The following MIDEAS variants were observed in gnomAD, a reference collection of about 807,000 sequenced individuals.
MIDEAS encodes the protein mitotic deacetylase-associated SANT domain protein.
A neutral mutation model predicts 102.7 loss-of-function variants in MIDEAS; 26 were observed. The ratio of observed to expected loss-of-function variants is 0.25; its 90% CI spans 0.19 to 0.35. The LOEUF is 0.35. Ranked by LOEUF, MIDEAS falls within the 10% of genes least tolerant of loss-of-function variation. The pLI, the probability that MIDEAS is intolerant of heterozygous loss-of-function variation, is 1.00. For synonymous variants in MIDEAS, 585 were observed against 591.0 expected (o/e 0.99, Z 0.15); for missense variants, 1,231 against 1,435.6 (o/e 0.86, Z 2.30).
intron 5 of MIDEAS, 170 bp downstream of exon 5, chr14:73,727,288 G>C (rs1308706419): frequency 2.9e-5 from 21 of 713,766 alleles, no homozygotes; most frequent in Non-Finnish European, 4.6e-5. Context: ...CTTCCACACA[G>C]AGGCAGGGCG....
chr14:73,746,866 GCCA>G (rs2053359044), intron 1 of MIDEAS, among the ~76,000 whole-genome samples: 1 of 152,206 alleles, frequency 6.6e-6, no homozygotes, highest in Non-Finnish European at 1.5e-5. Flanking sequence ...CTTGCTGCAA[GCCA>G]GGCTCTGGGA....
At chr14:73,775,507 G>A (rs568399453) in intron 1 of MIDEAS, among the ~76,000 whole-genome samples, 1 of 152,100 alleles carries the variant, frequency 6.6e-6, no homozygotes, top group African/African-American at 2.4e-5. Context: ...TCCCTCCCTC[G>A]GGGAGCCAAC....
chr14:73,726,847 C>G lies in MIDEAS; in HGVS notation c.2288G>C (p.Arg763Pro), dbSNP rs74937439. Residue 763 changes from arginine to proline, a missense_variant, in exon 6 of 13, where the codon CGG (arginine) becomes CCG (proline). Coordinates refer to ENST00000423556, the MANE Select transcript of MIDEAS (RefSeq NM_001367710.1). ...CTCCTCACCTTGCCTCTGCTTCTCC[C>G]GGCTGCTCTCTAGGTCCTCCCATGG... ...WQPWEDLESS[R>P]EKQRQVEDLL... The G allele has an allele frequency of 2.5e-6, 4 of 1,610,734 alleles. No individual in the cohort carries two copies. Among genetic ancestry groups the G allele is most frequent in the Admixed American group, 1.7e-5 (1 of 59,882 alleles).
intron 3 of MIDEAS, chr14:73,730,210 G>A (rs957450265): frequency 4.3e-6 from 3 of 705,378 alleles, no homozygotes; most frequent in African/African-American, 1.8e-5. Context: ...AATATTTTAG[G>A]CTTTGTGGGC....
upstream of MIDEAS, chr14:73,789,850 T>C (rs2053852913): frequency 6.6e-6 from 1 of 152,294 alleles, no homozygotes; most frequent in South Asian, 2.1e-4. Flanking sequence ...GATGTCTTTG[T>C]GTCACCAGAA....
intron 1 of MIDEAS, among the ~76,000 whole-genome samples, chr14:73,744,452 C>T (rs2053323765): frequency 6.6e-6 from 1 of 152,250 alleles, no homozygotes; most frequent in Non-Finnish European, 1.5e-5. Flanking sequence ...CTGGGGATAA[C>T]AGCTGACCCG....
intron 1 of MIDEAS, among the ~76,000 whole-genome samples, chr14:73,749,143 A>C (rs1276437114): frequency 3.3e-5 from 5 of 152,208 alleles, no homozygotes; most frequent in African/African-American, 1.2e-4. Context: ...ACCTATATAG[A>C]ACACTCCACC....
At chr14:73,786,798 T>C (rs2140185767) in intron 1 of MIDEAS, among the ~76,000 whole-genome samples, 1 of 152,290 alleles carries the variant, frequency 6.6e-6, no homozygotes, top group Non-Finnish European at 1.5e-5. Flanking sequence ...GAGGGCTGGC[T>C]GCAGACGTAG....
chr14:73,739,552 C>A lies in MIDEAS; in HGVS notation c.457G>T (p.Val153Leu). 1 of 1,614,196 alleles carries A rather than the reference C, an allele frequency of 6.2e-7. No homozygotes were observed. The highest frequency in any genetic ancestry group is 8.5e-7 in the Non-Finnish European group (1 of 1,180,016). Residue 153 changes from valine (V) to leucine (L), a missense_variant, in exon 2 of 13, where the codon GTG becomes TTG. This residue lies in a region of MIDEAS where 758 missense variants were observed against 856.0 expected (regional missense o/e 0.89). Coordinates refer to ENST00000423556, the MANE Select transcript of MIDEAS (RefSeq NM_001367710.1). The part of the protein sequence containing the change: ...SATKGSPHPG[V>L]GVPTYYNHPE... ...TGGTTATAGTAAGTCGGGACTCCCA[C>A]TCCAGGATGCGGGCTCCCCTTGGTT...
At chr14:73,731,552 A>G (rs2140110326) in intron 3 of MIDEAS, among the ~76,000 whole-genome samples, 1 of 152,342 alleles carries the variant, frequency 6.6e-6, no homozygotes, top group East Asian at 1.9e-4. Flanking sequence ...AGCTAGCTGT[A>G]ATGATTTGTA....
intron 5 of MIDEAS, 72 bp downstream of exon 5, chr14:73,727,386 C>G: frequency 6.5e-7 from 1 of 1,533,374 alleles, no homozygotes; most frequent in Non-Finnish European, 9.0e-7. Context: ...CTGTTGCTCC[C>G]AGGGCCCACC....
In MIDEAS at chr14:73,718,692, A is replaced by G. The variant is rs1311632936; in HGVS notation, c.*151T>C. The G allele has an allele frequency of 2.6e-6, 2 of 764,162 alleles. No homozygotes were observed. The highest frequency in any genetic ancestry group is 1.8e-6 in the Non-Finnish European group (1 of 543,766). 47.3% of individuals were successfully genotyped at this position (764,162 alleles called of 1,614,324 possible). A position where few individuals can be genotyped will look rare whatever the true frequency, so the allele number is the denominator to read the frequency against. ...CTCCCAGGGCCTTCATAAATAAAAGAGCCGTTTATGTCATTGTCTCATTTG... is the reference window on the plus strand; with the variant it reads ...CTCCCAGGGCCTTCATAAATAAAAGGGCCGTTTATGTCATTGTCTCATTTG... On this transcript the variant is annotated 3_prime_UTR_variant, in exon 13 of 13. Transcript: ENST00000423556.
chr14:73,768,520 T>C (rs2053611306), intron 1 of MIDEAS, among the ~76,000 whole-genome samples: 1 of 48,604 alleles, frequency 2.1e-5, no homozygotes, highest in African/African-American at 6.0e-5. Context: ...ACTTTTTTTT[T>C]TTTTTTTTTT....
chr14:73,771,115 C>A (rs1175793385), intron 1 of MIDEAS, among the ~76,000 whole-genome samples: 10 of 152,136 alleles, frequency 6.6e-5, no homozygotes, highest in Non-Finnish European at 7.4e-5. Context: ...GGCCTGAGTA[C>A]CCCTAATGAG....
chr14:73,748,135 G>C (rs2191457), intron 1 of MIDEAS, among the ~76,000 whole-genome samples: 18,186 of 151,994 alleles, frequency 0.12, 1,311 homozygotes, highest in Middle Eastern at 0.22. Flanking sequence ...AGTAATAGAA[G>C]AACAAAAGAA....
chr14:73,735,885 G>A (rs2053193893), intron 3 of MIDEAS, among the ~76,000 whole-genome samples: 2 of 152,196 alleles, frequency 1.3e-5, no homozygotes, highest in South Asian at 2.1e-4. Context: ...GGCCGGGTGC[G>A]GTGGCCCACC....
chr14:73,758,465 C>A (rs1380822031), intron 1 of MIDEAS, among the ~76,000 whole-genome samples: 1 of 152,204 alleles, frequency 6.6e-6, no homozygotes, highest in Non-Finnish European at 1.5e-5. Context: ...CAAGAAGATC[C>A]CAGATCACCT....
rs148935984 is a variant in MIDEAS, at chr14:73,774,676, C to T, written c.-248+12426G>A. Among the ~76,000 whole-genome samples, 372 of 152,038 alleles carry T rather than the reference C, an allele frequency of 2.4e-3. 6 individuals carry two copies. Among genetic ancestry groups the T allele is most frequent in the Middle Eastern group, 6.8e-3 (2 of 294 alleles). On this transcript the variant is annotated intron_variant, in intron 1 of 11. Coordinates refer to the MIDEAS transcript ENST00000394071. ...GGCCCCGATACAGGTTTTATACCCC[C>T]AAATCCCCTTCCTACTCTCACCAGG...
At chr14:73,746,389 AG>A (rs2053351571) in intron 1 of MIDEAS, among the ~76,000 whole-genome samples, 2 of 152,180 alleles carry the variant, frequency 1.3e-5, no homozygotes, top group Non-Finnish European at 2.9e-5. Context: ...AAGGCCACGA[AG>A]AGTCACAGGC....
Sources: allele counts gnomAD v4.1 joint callset (sites outside exome capture counted in the v4.1 genomes callset), GRCh38; gene constraint gnomAD v4.1.1; regional missense constraint gnomAD v4.1.1; transcripts MANE v1.5; gene names NCBI Gene and HGNC (gene_info 2026-07-23, HGNC 2026-07-21).